The following BLVRA variants were observed in gnomAD, a reference collection of about 807,000 sequenced individuals.
BLVRA encodes BVR A.
A neutral mutation model predicts 32.8 loss-of-function variants in BLVRA; 22 were observed. The ratio of observed to expected loss-of-function variants is 0.67; its 90% CI spans 0.48 to 0.96. The LOEUF (loss-of-function observed/expected upper bound fraction) is 0.96. BLVRA is among the 40% of genes least tolerant of loss of function. The pLI is 0.00. For synonymous variants in BLVRA, 119 were observed against 141.3 expected, an observed-to-expected ratio of 0.84 and a Z score of 1.12; for missense variants, 323 against 358.1, an observed-to-expected ratio of 0.90 and a Z score of 0.79.
chr7:43,767,641 A>G lies in BLVRA; in HGVS notation c.-21-3497A>G, dbSNP rs2095749681. Reference sequence around the variant, plus strand: ...TGATAGCATTAAATTCATTTTTTAAAATGATAAATGCTGGAGGGGGGACAT... The same window carrying G: ...TGATAGCATTAAATTCATTTTTTAAGATGATAAATGCTGGAGGGGGGACAT... On this transcript the variant is annotated intron_variant, in intron 1 of 7. Transcript: ENST00000265523. 1.8e-5 allele frequency: 14 copies of G among 770,764 alleles called. No homozygotes were observed. The South Asian group carries it at 1.9e-4, about 10-fold the overall frequency. 47.7% of individuals were successfully genotyped at this position (770,764 alleles called of 1,614,324 possible).
In BLVRA at chr7:43,762,605, C is replaced by CTTTTTTTTTT. The variant is rs1563533682; in HGVS notation, c.-22+3871_-22+3872insTTTTTTTTTT. 3.4e-5 allele frequency among the ~76,000 whole-genome samples: 4 copies of CTTTTTTTTTT among 118,652 alleles called. 1 individual carries two copies. Among genetic ancestry groups the CTTTTTTTTTT allele is most frequent in the Non-Finnish European group, 5.3e-5 (3 of 56,728 alleles). 77.8% of individuals were successfully genotyped at this position (118,652 alleles called of 152,430 possible). A position where few individuals can be genotyped will look rare whatever the true frequency, so the allele number is the denominator to read the frequency against. On this transcript the variant is annotated intron_variant, in intron 1 of 7. Coordinates refer to ENST00000265523, the MANE Select transcript of BLVRA (RefSeq NM_000712.4). ...AGTGATTTCCATGAACCCAGTAGTT[C>CTTTTTTTTTT]CTTTTTTTTTTTTTTTTTTTTTTTA... is the stretch of plus-strand genomic sequence containing the variant.
intron 2 of BLVRA, among the ~76,000 whole-genome samples, chr7:43,778,060 G>A (rs1270593914): frequency 6.6e-6 from 1 of 152,056 alleles, no homozygotes. Context: ...TTTTTTCAAA[G>A]TTTTTAACTT....
chr7:43,762,606 CTTTTTTT>C (rs1162480081), intron 1 of BLVRA, among the ~76,000 whole-genome samples: 12 of 100,862 alleles, frequency 1.2e-4, no homozygotes, highest in East Asian at 9.4e-4. Flanking sequence ...CCAGTAGTTC[CTTTTTTT>C]TTTTTTTTTT....
intron 1 of BLVRA, among the ~76,000 whole-genome samples, chr7:43,770,600 C>T (rs941776243): frequency 6.6e-6 from 1 of 152,094 alleles, no homozygotes; most frequent in African/African-American, 2.4e-5. Flanking sequence ...CTCCTCTTGT[C>T]ACCCCTCCTT....
chr7:43,766,179 A>G (rs930260127), intron 1 of BLVRA, among the ~76,000 whole-genome samples: 64 of 151,636 alleles, frequency 4.2e-4, no homozygotes, highest in African/African-American at 1.5e-3. Context: ...CCAGCTACTC[A>G]GGAGGCTGAG....
At chr7:43,779,435 C>A (rs2095766086) in intron 2 of BLVRA, among the ~76,000 whole-genome samples, 1 of 152,240 alleles carries the variant, frequency 6.6e-6, no homozygotes, top group Non-Finnish European at 1.5e-5. Context: ...TGAGTCTTGT[C>A]AGGGTCAATG....
At chr7:43,778,763 C>A (rs899937664) in intron 2 of BLVRA, among the ~76,000 whole-genome samples, 9 of 152,236 alleles carry the variant, frequency 5.9e-5, no homozygotes, top group African/African-American at 2.2e-4. Flanking sequence ...AGAGGTGGAG[C>A]CTACAGAGGC....
intron 2 of BLVRA, among the ~76,000 whole-genome samples, chr7:43,772,813 C>A (rs2095756086): frequency 6.6e-6 from 1 of 152,120 alleles, no homozygotes; most frequent in Admixed American, 6.5e-5. Flanking sequence ...GGGAAACCAC[C>A]CCCGTGATTC....
intron 2 of BLVRA, among the ~76,000 whole-genome samples, chr7:43,774,338 G>T (rs2132555357): frequency 6.6e-6 from 1 of 152,240 alleles, no homozygotes; most frequent in Middle Eastern, 3.4e-3. Flanking sequence ...AAGGGATCCA[G>T]TTTCAGCTTT....
At chr7:43,773,258 AG>A (rs1284999437) in intron 2 of BLVRA, among the ~76,000 whole-genome samples, 1 of 152,052 alleles carries the variant, frequency 6.6e-6, no homozygotes, top group East Asian at 1.9e-4. Context: ...ATTTAACATT[AG>A]GTATATCTCC....
chr7:43,781,101 C>T (rs1215057267), intron 2 of BLVRA, among the ~76,000 whole-genome samples: 2 of 151,794 alleles, frequency 1.3e-5, no homozygotes, highest in Non-Finnish European at 2.9e-5. Context: ...CAAGATTGTG[C>T]CATTGCACTC....
At chr7:43,770,075 C>G (rs1342955954) in intron 1 of BLVRA, among the ~76,000 whole-genome samples, 1 of 152,188 alleles carries the variant, frequency 6.6e-6, no homozygotes, top group Non-Finnish European at 1.5e-5. Flanking sequence ...AGAATGAGAT[C>G]AAATGCTGTG....
chr7:43,759,568 AG>A (rs2095740020), intron 1 of BLVRA, among the ~76,000 whole-genome samples: 2 of 152,214 alleles, frequency 1.3e-5, no homozygotes, highest in African/African-American at 4.8e-5. Context: ...CTTACTTAGT[AG>A]GATAGCCCTG....
intron 1 of BLVRA, among the ~76,000 whole-genome samples, chr7:43,763,838 A>G (rs2095744966): frequency 6.6e-6 from 1 of 152,172 alleles, no homozygotes; most frequent in Non-Finnish European, 1.5e-5. Flanking sequence ...TCTTTTACAA[A>G]CTCAGAAAAC....
chr7:43,799,279 C>T (rs904195346), intron 5 of BLVRA, among the ~76,000 whole-genome samples: 9 of 152,088 alleles, frequency 5.9e-5, no homozygotes, highest in African/African-American at 1.9e-4. Flanking sequence ...CAAAGGCAAC[C>T]GTCCCAGGAG....
chr7:43,766,761 T>C (rs1300047295), intron 1 of BLVRA, among the ~76,000 whole-genome samples: 1 of 152,208 alleles, frequency 6.6e-6, no homozygotes, highest in Non-Finnish European at 1.5e-5. Flanking sequence ...TACAGTTATG[T>C]GACCATGGCA....
At chr7:43,776,763 T>A (rs1306218303) in intron 2 of BLVRA, among the ~76,000 whole-genome samples, 2 of 152,100 alleles carry the variant, frequency 1.3e-5, no homozygotes, top group African/African-American at 2.4e-5. Context: ...CCCATTATTA[T>A]TGTGTGGGAG....
chr7:43,768,434 T>A (rs922389350), intron 1 of BLVRA, among the ~76,000 whole-genome samples: 1 of 152,136 alleles, frequency 6.6e-6, no homozygotes, highest in Non-Finnish European at 1.5e-5. Flanking sequence ...AACCAGAAAG[T>A]CTGGAAATTG....
chr7:43,767,347 G>T (rs1283482027), intron 1 of BLVRA: 3 of 1,594,730 alleles, frequency 1.9e-6, no homozygotes, highest in Non-Finnish European at 2.6e-6. Context: ...GTTCGGAAAA[G>T]AAAGCTCATT....
Sources: allele counts gnomAD v4.1 joint callset (sites outside exome capture counted in the v4.1 genomes callset), GRCh38; gene constraint gnomAD v4.1.1; transcripts MANE v1.5; gene names NCBI Gene and HGNC (gene_info 2026-07-23, HGNC 2026-07-21).